The following ADGRD2 variants were observed in gnomAD, a reference collection of about 807,000 sequenced individuals.
The protein encoded by ADGRD2 is G protein-coupled receptor PGR24.
A neutral mutation model predicts 44.4 loss-of-function variants in ADGRD2; 71 were observed. The observed-to-expected ratio is 1.60, with a 90% CI of 1.32 to 1.95. The LOEUF (loss-of-function observed/expected upper bound fraction) is 1.95. Ranked by LOEUF, ADGRD2 falls within the 30% of genes most tolerant of loss-of-function variation. The pLI, the probability that ADGRD2 is intolerant of heterozygous loss-of-function variation, is 0.00. For missense variants in ADGRD2, 1,039 were observed against 512.4 expected (o/e 2.03, Z -9.92); for synonymous variants, 481 against 224.8 (o/e 2.14, Z -10.19).
chr9:124,452,738 T>C lies in ADGRD2; in HGVS notation c.281+16T>C, dbSNP rs1224015786. 1.4e-6 allele frequency: 1 copy of C among 703,278 alleles called. No homozygotes were observed. The highest frequency in any genetic ancestry group is 2.6e-6 in the Non-Finnish European group (1 of 379,364). The allele number at this position is 703,278 out of a possible 1,614,324, so 43.6% of individuals were successfully genotyped here. On this transcript the variant is annotated intron_variant, in intron 2 of 21. Coordinates refer to ENST00000334810, the Ensembl canonical transcript of ADGRD2. ...CCACAGAGGCGTGAGTGTGGGCCCCTGGGAAATGGGAGCAAGGGGCAGAGG... is the reference window on the plus strand; with the variant it reads ...CCACAGAGGCGTGAGTGTGGGCCCCCGGGAAATGGGAGCAAGGGGCAGAGG...
In ADGRD2 at chr9:124,454,102, G is replaced by A. The variant is rs1203566932; in HGVS notation, c.1022+5G>A. On this transcript the variant is annotated splice_donor_5th_base_variant and intron_variant, in intron 4 of 21. Transcript: ENST00000334810. The surrounding 1 kb of genome is among the most constrained non-coding windows in gnomAD (Gnocchi z 4.5). ...TCCTCTGCTGCTACCGGACAGGTGC[G>A]CCCTGGCTGTACCCCTGGGCTCTGC... is the stretch of plus-strand genomic sequence containing the variant. 8.6e-6 allele frequency: 6 copies of A among 694,494 alleles called. No individual in the cohort carries two copies. In the East Asian group the frequency reaches 1.3e-4, roughly 16 times the overall value. 43.0% of individuals were successfully genotyped at this position (694,494 alleles called of 1,614,324 possible). A position where few individuals can be genotyped will look rare whatever the true frequency, so the allele number is the denominator to read the frequency against.
In ADGRD2 at chr9:124,453,161, C is replaced by T. The variant is rs1056499258; in HGVS notation, c.410C>T (p.Ser137Leu). Residue 137 changes from serine (S) to leucine (L), a missense_variant, in exon 3 of 22, where the codon TCG (serine) becomes TTG (leucine). By Grantham distance (145) the Ser-to-Leu change is moderately radical. Coordinates refer to ENST00000334810, the Ensembl canonical transcript of ADGRD2. ...ACTCACGTGCAGTGGGACTGTGCCT[C>T]GCCCGACCCCGCAGCGCTCTTCTCC... 5 of 699,654 alleles carry T rather than the reference C, an allele frequency of 7.1e-6. No homozygotes were observed. The East Asian group carries it at 1.1e-4, about 15-fold the overall frequency. 43.3% of individuals were successfully genotyped at this position (699,654 alleles called of 1,614,324 possible).
intron 13 of ADGRD2, 62 bp from the exon 17 acceptor site, chr9:124,468,457 C>T (rs942729539): frequency 2.2e-5 from 16 of 715,172 alleles, no homozygotes; most frequent in Admixed American, 6.0e-5. Flanking sequence ...GCATGGGCCG[C>T]GGGGCTGGCC....
At chr9:124,465,752 C>T (rs1831809200) in intron 10 of ADGRD2, 1 of 152,184 alleles carries the variant, frequency 6.6e-6, no homozygotes, top group Non-Finnish European at 1.5e-5. Flanking sequence ...TTCAGGGTGA[C>T]TCCAGGCTCC....
intron 7 of ADGRD2, among the ~76,000 whole-genome samples, 157 bp from the exon 11 acceptor site, chr9:124,457,315 C>T (rs1361681493): frequency 1.3e-5 from 2 of 152,212 alleles, no homozygotes; most frequent in Non-Finnish European, 2.9e-5. Context: ...TTGGAAAAGT[C>T]AGATTTGCCT....
At chr9:124,466,403 A>G (rs1009172959) in exon 11 of ADGRD2, 3 of 715,642 alleles carry the variant, frequency 4.2e-6, no homozygotes, top group African/African-American at 3.5e-5. Flanking sequence ...CTGCAAATCT[A>G]TGAAGTACAG....
At chr9:124,455,656 A>G (rs1178208035) in intron 6 of ADGRD2, among the ~76,000 whole-genome samples, 2 of 152,160 alleles carry the variant, frequency 1.3e-5, no homozygotes, top group Non-Finnish European at 2.9e-5. Context: ...AAGAACCACC[A>G]GTCAGTAAGA....
chr9:124,462,914 CCTGA>C (rs945230200), intron 10 of ADGRD2, among the ~76,000 whole-genome samples: 23 of 150,982 alleles, frequency 1.5e-4, no homozygotes, highest in South Asian at 8.4e-4. Flanking sequence ...TTCCTTCCTT[CCTGA>C]CTTTCTCTCT....
At chr9:124,464,033 T>C (rs1831767902) in intron 10 of ADGRD2, among the ~76,000 whole-genome samples, 1 of 151,944 alleles carries the variant, frequency 6.6e-6, no homozygotes, top group African/African-American at 2.4e-5. Context: ...AGAGATAGGA[T>C]CTCACTTTGT....
chr9:124,466,237 C>G (rs1831819892), intron 10 of ADGRD2, 21 bp from the exon 14 acceptor site: 1 of 598,306 alleles, frequency 1.7e-6, no homozygotes, highest in Non-Finnish European at 3.2e-6. Flanking sequence ...CCCCTCACCC[C>G]CTTGTCCACC....
intron 7 of ADGRD2, among the ~76,000 whole-genome samples, chr9:124,457,095 G>C (rs1831631803): frequency 6.6e-6 from 1 of 152,178 alleles, no homozygotes; most frequent in East Asian, 1.9e-4. Flanking sequence ...GAGTGGTAAG[G>C]CTGTTTCTGA....
intron 20 of ADGRD2, 89 bp from the exon 24 acceptor site, chr9:124,476,590 T>C: frequency 1.6e-6 from 1 of 643,394 alleles, no homozygotes; most frequent in Admixed American, 2.6e-5. Context: ...GGCGGCAAGC[T>C]GGCAGAGGCC....
At chr9:124,476,852 T>A (rs1002775147) in intron 21 of ADGRD2, 143 bp downstream of exon 24, 2 of 690,360 alleles carry the variant, frequency 2.9e-6, no homozygotes, top group Non-Finnish European at 5.3e-6. Flanking sequence ...ACTCCACAGG[T>A]CCCCTGGGAG....
chr9:124,471,784 C>T (rs1439051409), intron 17 of ADGRD2, among the ~76,000 whole-genome samples: 2 of 152,308 alleles, frequency 1.3e-5, no homozygotes, highest in Middle Eastern at 6.8e-3. Context: ...GGTGCCAGGC[C>T]GCAGCAGCAG....
chr9:124,473,867 G>T (rs902137264), intron 17 of ADGRD2, among the ~76,000 whole-genome samples: 3 of 152,046 alleles, frequency 2.0e-5, no homozygotes, highest in Non-Finnish European at 4.4e-5. Flanking sequence ...TAAACCAGGG[G>T]AGGGGGCATG....
exon 11 of ADGRD2, chr9:124,466,327 G>A (rs754171473): frequency 1.8e-5 from 13 of 717,040 alleles, no homozygotes; most frequent in East Asian, 5.4e-5. Flanking sequence ...AGGCTGCTCC[G>A]TGGCTGCCCT....
chr9:124,462,712 T>C (rs530197276), intron 10 of ADGRD2, among the ~76,000 whole-genome samples: 81 of 152,350 alleles, frequency 5.3e-4, no homozygotes, highest in African/African-American at 1.9e-3. Flanking sequence ...TGCTAGTATA[T>C]AGTAATATAA....
upstream of ADGRD2, chr9:124,452,085 TC>T (rs1243492879): frequency 1.6e-6 from 1 of 635,784 alleles, no homozygotes; most frequent in Admixed American, 2.2e-5. Context: ...TCTTCTTCTC[TC>T]CCAGATCAGG....
upstream of ADGRD2, among the ~76,000 whole-genome samples, chr9:124,450,471 A>C (rs112882224): frequency 9.5e-4 from 145 of 152,356 alleles, no homozygotes; most frequent in African/African-American, 3.1e-3. Flanking sequence ...GATGCCTCGC[A>C]GACGGTGAAC....
Sources: allele counts gnomAD v4.1 joint callset (sites outside exome capture counted in the v4.1 genomes callset), GRCh38; gene constraint gnomAD v4.1.1; non-coding constraint Gnocchi (gnomAD v3.1); transcripts MANE v1.5; gene names NCBI Gene and HGNC (gene_info 2026-07-23, HGNC 2026-07-21).